MMACHC: variants seen among roughly 807,000 people sequenced by gnomAD.
MMACHC encodes metabolism of cobalamin associated C.
Under a neutral mutation model 17.6 loss-of-function variants are expected in MMACHC, and 14 were observed. The ratio of observed to expected loss-of-function variants is 0.80; its 90% confidence interval spans 0.53 to 1.25. The LOEUF (loss-of-function observed/expected upper bound fraction) is 1.25, where lower values mean the gene tolerates loss of function less well. Ranked by LOEUF, MMACHC falls within the 50% of genes most tolerant of loss-of-function variation. The probability of loss-of-function intolerance (pLI) is 0.00; values close to 1 mark genes in which losing one functional copy is unlikely to be tolerated. For missense variants in MMACHC, 392 were observed against 364.5 expected (o/e 1.08, Z -0.62); for synonymous variants, 151 against 142.1 (o/e 1.06, Z -0.45).
chr1:45,505,090 C>T (rs1263092461), intron 1 of MMACHC, among the ~76,000 whole-genome samples: 1 of 139,200 alleles, frequency 7.2e-6, no homozygotes, highest in African/African-American at 2.7e-5. Context: ...TACCCTAGCC[C>T]CTGGGCGACA....
At chr1:45,507,021 G>A (rs1643630230) in intron 1 of MMACHC, among the ~76,000 whole-genome samples, 1 of 151,854 alleles carries the variant, frequency 6.6e-6, no homozygotes, top group South Asian at 2.1e-4. Context: ...ACAAAAACTA[G>A]CCAGGCGTGG....
intron 1 of MMACHC, among the ~76,000 whole-genome samples, chr1:45,505,784 C>T (rs908686351): frequency 3.3e-5 from 5 of 152,078 alleles, no homozygotes; most frequent in African/African-American, 1.2e-4. Context: ...TGCCTGTAGT[C>T]CCAGCTACTC....
In MMACHC at chr1:45,507,494, A is replaced by G; in HGVS notation, c.220A>G (p.Met74Val). 1 of 1,614,092 alleles carries G rather than the reference A, an allele frequency of 6.2e-7. No homozygotes were observed. The highest frequency in any genetic ancestry group is 8.5e-7 in the Non-Finnish European group (1 of 1,180,008). The change falls in exon 2 of 4, where the codon ATG becomes GTG. Residue 74 changes from methionine to valine, a missense_variant. By Grantham distance (21) the Met-to-Val change is conservative. Coordinates refer to ENST00000401061, the MANE Select transcript of MMACHC (RefSeq NM_015506.3). Reference sequence around the variant, plus strand: ...CTTCTTGCAGAGCTGCCACCTCCGAATGCTGACTGACCCAGTGGACCAGTG... The same window carrying G: ...CTTCTTGCAGAGCTGCCACCTCCGAGTGCTGACTGACCCAGTGGACCAGTG... ...KPFLQSCHLRMLTDPVDQCVA... is the reference protein window; with the variant it reads ...KPFLQSCHLRVLTDPVDQCVA...
chr1:45,500,646 CCT>C (rs1643526307), intron 1 of MMACHC, among the ~76,000 whole-genome samples: 1 of 152,082 alleles, frequency 6.6e-6, no homozygotes. Flanking sequence ...GGGCGGATCA[CCT>C]GAGGTGAGGA....
In MMACHC at chr1:45,508,307, T is replaced by G; in HGVS notation, c.372T>G (p.Ala124=). The part of the protein sequence containing the change: ...KILAQTAAHV[A]GAAYYYQRQD... ...TGGCCCAGACAGCAGCCCATGTAGC[T>G]GGGGCTGCTTACTACTACCAACGAC... The change falls in exon 3 of 4, where the codon GCT becomes GCG. Residue 124 remains alanine, a synonymous_variant. Transcript: ENST00000401061. The G allele has an allele frequency of 6.2e-7, 1 of 1,614,118 alleles. No homozygotes were observed. Among genetic ancestry groups the G allele is most frequent in the East Asian group, 2.2e-5 (1 of 44,882 alleles).
intron 1 of MMACHC, among the ~76,000 whole-genome samples, chr1:45,506,042 A>G (rs1335642371): frequency 6.6e-6 from 1 of 152,186 alleles, no homozygotes; most frequent in Non-Finnish European, 1.5e-5. Context: ...AATCTATTAT[A>G]ACCCCTTGAT....
rs750522696 is a variant in MMACHC, at chr1:45,500,308, G to A, written c.-25G>A. On this transcript the variant is annotated 5_prime_UTR_variant, in exon 1 of 4. Coordinates refer to ENST00000401061, the MANE Select transcript of MMACHC (RefSeq NM_015506.3). ...ATTGTCCTTGAGACTTCATTCCCCA[G>A]CAAGCTCAGCGTGTAACGTGCGCTA... 7 of 1,613,430 alleles carry A rather than the reference G, an allele frequency of 4.3e-6. No individual in the cohort carries two copies. The highest frequency in any genetic ancestry group is 5.9e-6 in the Non-Finnish European group (7 of 1,179,664).
rs1345246617 is a variant in MMACHC, at chr1:45,509,426, T to TTTTTTC, written c.*216_*217insCTTTTT. Reference sequence around the variant, plus strand: ...TCTGCCTTCAAATGAGTTTTTTTTTTTTTTTTAGACAGAGTCTTACTCTGT... The same window carrying TTTTTTC: ...TCTGCCTTCAAATGAGTTTTTTTTTTTTTTTCTTTTTTAGACAGAGTCTTACTCTGT... On this transcript the variant is annotated 3_prime_UTR_variant, in exon 4 of 4. Coordinates refer to ENST00000401061, the MANE Select transcript of MMACHC (RefSeq NM_015506.3). 1.8e-6 allele frequency: 1 copy of TTTTTTC among 563,168 alleles called. No homozygotes were observed. Among genetic ancestry groups the TTTTTTC allele is most frequent in the African/African-American group, 2.0e-5 (1 of 49,834 alleles). 34.9% of individuals were successfully genotyped at this position (563,168 alleles called of 1,614,324 possible). A position where few individuals can be genotyped will look rare whatever the true frequency, so the allele number is the denominator to read the frequency against.
In MMACHC at chr1:45,512,507, C is replaced by A. The variant is rs1418003289; in HGVS notation, c.*3292C>A. On this transcript the variant is annotated 3_prime_UTR_variant, in exon 4 of 4. Transcript: ENST00000401061. ...TGAGATCACACCACTGCACTCCAGT[C>A]TGGGCGACAAAACAAGACTCTGTCT... 1 of 150,838 alleles carries A rather than the reference C, an allele frequency of 6.6e-6. No homozygotes were observed. Among genetic ancestry groups the A allele is most frequent in the Non-Finnish European group, 1.5e-5 (1 of 67,892 alleles). 9.3% of individuals were successfully genotyped at this position (150,838 alleles called of 1,614,324 possible).
chr1:45,506,570 T>C (rs1303111870), intron 1 of MMACHC, among the ~76,000 whole-genome samples: 1 of 152,080 alleles, frequency 6.6e-6, no homozygotes, highest in Admixed American at 6.5e-5. Flanking sequence ...CATTGCAACC[T>C]CTGCCTACCG....
intron 2 of MMACHC, 22 bp downstream of exon 2, chr1:45,507,572 C>T (rs754428106): frequency 1.2e-6 from 2 of 1,613,562 alleles, no homozygotes; most frequent in East Asian, 2.2e-5. Context: ...TCAGTTTTCC[C>T]CCAGCTCCCA....
Position 45,505,138 on chromosome 1 carries a change from G to A in MMACHC, c.82-2218G>A, listed in dbSNP as rs1212744608. On this transcript the variant is annotated intron_variant, in intron 1 of 3. Transcript: ENST00000401061. Reference sequence around the variant, plus strand: ...ACATTTAAAAAAAAAAAAAAAAAAAGGGCCGTTTTGTTTTTAAAGACAGGT... The same window carrying A: ...ACATTTAAAAAAAAAAAAAAAAAAAAGGCCGTTTTGTTTTTAAAGACAGGT... Among the ~76,000 whole-genome samples, 38 of 94,006 alleles carry A rather than the reference G, an allele frequency of 4.0e-4. No individual in the cohort carries two copies. The East Asian group carries it at 6.2e-3, about 15-fold the overall frequency. The allele number at this position is 94,006 out of a possible 152,430, so 61.7% of individuals were successfully genotyped here.
Position 45,510,236 on chromosome 1 carries a change from G to T in MMACHC, c.*1021G>T, listed in dbSNP as rs1179819726. 1 of 151,784 alleles carries T rather than the reference G, an allele frequency of 6.6e-6. No individual in the cohort carries two copies. Among genetic ancestry groups the T allele is most frequent in the Non-Finnish European group, 1.5e-5 (1 of 67,734 alleles). 9.4% of individuals were successfully genotyped at this position (151,784 alleles called of 1,614,324 possible). ...GCTCATGGGTGTAGTCGGTTCTAGA[G>T]GGGTGGGCAGGTGGGAGTAGCTGAG... On this transcript the variant is annotated 3_prime_UTR_variant, in exon 4 of 4. Transcript: ENST00000401061.
chr1:45,508,876 G>A lies in MMACHC; in HGVS notation c.510G>A (p.Glu170=). 1 of 1,614,188 alleles carries A rather than the reference G, an allele frequency of 6.2e-7. No homozygotes were observed. The highest frequency in any genetic ancestry group is 1.1e-5 in the South Asian group (1 of 91,088). ...GGGTAGTGCTGCTGCCAGGGATAGAGGTGCCAGATCTGCCACCCAGAAAAC... is the reference window on the plus strand; with the variant it reads ...GGGTAGTGCTGCTGCCAGGGATAGAAGTGCCAGATCTGCCACCCAGAAAAC... ...IRGVVLLPGI[E]VPDLPPRKPH... Residue 170 remains glutamate, a synonymous_variant, in exon 4 of 4, where the codon GAG becomes GAA. Coordinates refer to ENST00000401061, the MANE Select transcript of MMACHC (RefSeq NM_015506.3).
rs1002316208 is a variant in MMACHC, at chr1:45,501,304, T to C, written c.81+891T>C. 2.0e-5 allele frequency among the ~76,000 whole-genome samples: 3 copies of C among 152,202 alleles called. No homozygotes were observed. In the South Asian group the frequency reaches 6.2e-4, roughly 32 times the overall value. On this transcript the variant is annotated intron_variant, in intron 1 of 3. Transcript: ENST00000401061. ...TACATTTCCCCACATCAGTGCCCTGTGCACTGAGCAGTTAAGTTACAAAGC... is the reference window on the plus strand; with the variant it reads ...TACATTTCCCCACATCAGTGCCCTGCGCACTGAGCAGTTAAGTTACAAAGC...
chr1:45,508,358 G>T lies in MMACHC; in HGVS notation c.423G>T (p.Gly141=). Residue 141 remains glycine (G), a synonymous_variant, in exon 3 of 4, where the codon GGG becomes GGT. Coordinates refer to ENST00000401061, the MANE Select transcript of MMACHC (RefSeq NM_015506.3). The stretch of plus-strand genomic sequence containing the variant: ...AAGATGTGGAGGCTGACCCATGGGG[G>T]AACCAGGTGAGAGGGAAAATGTAAA... ...QRQDVEADPW[G]NQRISGVCIH... 1.9e-6 allele frequency: 3 copies of T among 1,614,178 alleles called. No individual in the cohort carries two copies. The highest frequency in any genetic ancestry group is 3.3e-5 in the Admixed American group (2 of 60,026).
At chr1:45,506,519 C>T (rs779749741) in intron 1 of MMACHC, among the ~76,000 whole-genome samples, 29 of 152,002 alleles carry the variant, frequency 1.9e-4, no homozygotes, top group Non-Finnish European at 3.5e-4. Context: ...GGGGGTCTCA[C>T]TCTGTTGCCC....
In MMACHC at chr1:45,511,448, T is replaced by C. The variant is rs770793839; in HGVS notation, c.*2233T>C. 1.9e-6 allele frequency: 3 copies of C among 1,568,262 alleles called. No homozygotes were observed. The highest frequency in any genetic ancestry group is 1.8e-6 in the Non-Finnish European group (2 of 1,142,528). ...GAAAGGCACCACTAATTAATAACCT[T>C]CTCAATGGTATGCACCACCATTCTC... On this transcript the variant is annotated 3_prime_UTR_variant, in exon 4 of 4. Transcript: ENST00000401061.
Position 45,510,147 on chromosome 1 carries a change from AC to A in MMACHC, c.*934del, listed in dbSNP as rs1643714284. 6.6e-6 allele frequency: 1 copy of A among 151,962 alleles called. No homozygotes were observed. The highest frequency in any genetic ancestry group is 2.4e-5 in the African/African-American group (1 of 41,364). The allele number at this position is 151,962 out of a possible 1,614,324, so 9.4% of individuals were successfully genotyped here. On this transcript the variant is annotated 3_prime_UTR_variant, in exon 4 of 4. Coordinates refer to ENST00000401061, the MANE Select transcript of MMACHC (RefSeq NM_015506.3). Reference sequence around the variant, plus strand: ...CACGTGTAAGGCACTTTGGAAAAATACCTGGCATATATAGTAAGCAGTATGT... The same window carrying A: ...CACGTGTAAGGCACTTTGGAAAAATACTGGCATATATAGTAAGCAGTATGT...
Sources: allele counts gnomAD v4.1 joint callset (sites outside exome capture counted in the v4.1 genomes callset), GRCh38; gene constraint gnomAD v4.1.1; transcripts MANE v1.5; gene names NCBI Gene and HGNC (gene_info 2026-07-23, HGNC 2026-07-21).